NRXN3: variants seen among roughly 807,000 people sequenced by gnomAD.
NRXN3 encodes the protein neurexin III.
Under a neutral mutation model 137.6 loss-of-function variants are expected in NRXN3, and 32 were observed. The observed-to-expected ratio is 0.23, with a 90% confidence interval of 0.18 to 0.31. The LOEUF (loss-of-function observed/expected upper bound fraction) is 0.31. NRXN3 is among the 10% of genes least tolerant of loss of function. NRXN3 has a pLI of 1.00. For synonymous variants in NRXN3, 798 were observed against 784.5 expected, an observed-to-expected ratio of 1.02 and a Z score of -0.29; for missense variants, 1,574 against 2,062.5, an observed-to-expected ratio of 0.76 and a Z score of 4.59.
At chr14:79,100,403 C>G (rs1395036088) in intron 15 of NRXN3, among the ~76,000 whole-genome samples, 1 of 152,202 alleles carries the variant, frequency 6.6e-6, no homozygotes, top group Non-Finnish European at 1.5e-5. Flanking sequence ...TTATACTTCT[C>G]TAGCTTTGCA....
chr14:78,522,589 C>G (rs1055391107), intron 4 of NRXN3, among the ~76,000 whole-genome samples: 1 of 152,156 alleles, frequency 6.6e-6, no homozygotes, highest in African/African-American at 2.4e-5. Flanking sequence ...TCTGTTTTCT[C>G]TATGGGTAAA....
At chr14:78,861,524 A>T (rs1263177364) in intron 10 of NRXN3, among the ~76,000 whole-genome samples, 3 of 152,228 alleles carry the variant, frequency 2.0e-5, no homozygotes, top group Admixed American at 6.5e-5. Context: ...CATCAAAGTA[A>T]TACCAACTCT....
At chr14:79,234,382 T>TTAG (rs1434234767) in intron 15 of NRXN3, among the ~76,000 whole-genome samples, 34 of 139,778 alleles carry the variant, frequency 2.4e-4, no homozygotes, top group Non-Finnish European at 1.4e-4. Flanking sequence ...TAGCTCTTTA[T>TTAG]TATTATTATT....
intron 1 of NRXN3, among the ~76,000 whole-genome samples, chr14:78,183,689 G>A (rs2060002817): frequency 6.6e-6 from 1 of 152,170 alleles, no homozygotes; most frequent in South Asian, 2.1e-4. Context: ...ATCTCTTCTG[G>A]GGTTGAAGGG....
chr14:78,304,608 C>T (rs1346361683), intron 4 of NRXN3, among the ~76,000 whole-genome samples: 1 of 152,168 alleles, frequency 6.6e-6, no homozygotes, highest in Non-Finnish European at 1.5e-5. Flanking sequence ...TCTTCTAGTC[C>T]ATTTAGGGAT....
At chr14:79,686,064 C>T (rs944316699) in intron 17 of NRXN3, among the ~76,000 whole-genome samples, 18 of 151,814 alleles carry the variant, frequency 1.2e-4, no homozygotes, top group African/African-American at 4.4e-4. Flanking sequence ...GAGGTCGAGG[C>T]GGGTGGATCA....
chr14:79,296,565 G>A (rs1021852900), intron 15 of NRXN3, among the ~76,000 whole-genome samples: 2 of 152,000 alleles, frequency 1.3e-5, no homozygotes, highest in Non-Finnish European at 2.9e-5. Flanking sequence ...GATGGAGGAC[G>A]TTGAGTAATA....
At chr14:79,262,853 C>G (rs2077845485) in intron 15 of NRXN3, among the ~76,000 whole-genome samples, 1 of 152,102 alleles carries the variant, frequency 6.6e-6, no homozygotes, top group African/African-American at 2.4e-5. Context: ...CTGATAGGTA[C>G]AAAGCGAAGA....
At chr14:79,269,333 G>A (rs543455623) in intron 15 of NRXN3, among the ~76,000 whole-genome samples, 1 of 152,328 alleles carries the variant, frequency 6.6e-6, no homozygotes, top group African/African-American at 2.4e-5. Flanking sequence ...ACAGGAGTGA[G>A]CCACCGCATC....
chr14:79,573,270 G>A (rs373079434), intron 16 of NRXN3, among the ~76,000 whole-genome samples: 9 of 152,194 alleles, frequency 5.9e-5, no homozygotes, highest in East Asian at 3.9e-4. Flanking sequence ...AAACCAAATC[G>A]AAATGCCTAA....
At chr14:78,870,897 G>C (rs924016005) in intron 10 of NRXN3, among the ~76,000 whole-genome samples, 40 of 151,284 alleles carry the variant, frequency 2.6e-4, no homozygotes, top group African/African-American at 9.5e-4. Context: ...CAGGATTTCA[G>C]TTTCTTAGTA....
intron 2 of NRXN3, chr14:78,250,029 T>C (rs1330934833): frequency 2.0e-6 from 1 of 498,026 alleles, no homozygotes; most frequent in Non-Finnish European, 4.0e-6. Flanking sequence ...TAGGTGCTTT[T>C]CATGCACTAG....
chr14:79,352,121 C>T (rs1266975376), intron 15 of NRXN3, among the ~76,000 whole-genome samples: 1 of 152,096 alleles, frequency 6.6e-6, no homozygotes, highest in Admixed American at 6.6e-5. Flanking sequence ...TAGCAAAGTC[C>T]ATGCCATCTT....
At chr14:78,718,082 G>A (rs1169278023) in intron 8 of NRXN3, among the ~76,000 whole-genome samples, 1 of 152,116 alleles carries the variant, frequency 6.6e-6, no homozygotes. Context: ...TCGGATTAAG[G>A]AGCCCTGCCC....
chr14:78,344,486 C>G (rs1304859129), intron 4 of NRXN3, among the ~76,000 whole-genome samples: 3 of 152,256 alleles, frequency 2.0e-5, no homozygotes, highest in Non-Finnish European at 4.4e-5. Flanking sequence ...ACTCACAACA[C>G]ATGCTCATTA....
At chr14:78,589,958 A>C (rs1358271183) in intron 4 of NRXN3, among the ~76,000 whole-genome samples, 1 of 152,124 alleles carries the variant, frequency 6.6e-6, no homozygotes, top group Admixed American at 6.5e-5. Flanking sequence ...ACTCCGTTTG[A>C]AACAAACAAA....
intron 8 of NRXN3, among the ~76,000 whole-genome samples, chr14:78,731,472 T>C (rs979374648): frequency 9.9e-5 from 15 of 152,124 alleles, no homozygotes; most frequent in African/African-American, 3.4e-4. Flanking sequence ...ATACAAAACC[T>C]GTGGTGGTTC....
intron 10 of NRXN3, among the ~76,000 whole-genome samples, chr14:78,815,977 A>C (rs1225686212): frequency 6.6e-6 from 1 of 152,220 alleles, no homozygotes; most frequent in Non-Finnish European, 1.5e-5. Flanking sequence ...CTGTCAAACT[A>C]TAAGCAAGCT....
At chr14:78,686,337 T>A (rs760969968) in intron 6 of NRXN3, among the ~76,000 whole-genome samples, 1 of 152,222 alleles carries the variant, frequency 6.6e-6, no homozygotes, top group Non-Finnish European at 1.5e-5. Context: ...TGAAATAACT[T>A]TACAGTTCTT....
Sources: gnomAD v4.1 joint callset for allele counts (sites outside exome capture counted in the v4.1 genomes callset) on GRCh38, gnomAD v4.1.1 for gene constraint, MANE v1.5 for transcripts, NCBI Gene and HGNC (gene_info 2026-07-23, HGNC 2026-07-21) for gene names.